The following KLHL22 variants were observed in gnomAD, a reference collection of about 807,000 sequenced individuals.
The protein encoded by KLHL22 is kelch like family member 22, also known as kelch-like protein 22.
A neutral mutation model predicts 60.7 loss-of-function variants in KLHL22; 18 were observed. That is an observed-to-expected ratio of 0.30 (90% CI 0.20 to 0.44). KLHL22 has a LOEUF of 0.44. Among genes scored for constraint, KLHL22 ranks in the 20% least tolerant of loss-of-function variants. The pLI, the probability that KLHL22 is intolerant of heterozygous loss-of-function variation, is 1.00. For synonymous variants in KLHL22, 355 were observed against 354.5 expected (o/e 1.00, Z -0.01); for missense variants, 596 against 852.3 (o/e 0.70, Z 3.74).
chr22:20,488,128 A>T (rs1013051690), intron 2 of KLHL22, among the ~76,000 whole-genome samples: 1 of 152,148 alleles, frequency 6.6e-6, no homozygotes, highest in Admixed American at 6.6e-5. Context: ...GTTCCTAATT[A>T]AAAAAATAGA....
chr22:20,471,832 G>C (rs189932222), intron 2 of KLHL22, among the ~76,000 whole-genome samples: 1 of 152,180 alleles, frequency 6.6e-6, no homozygotes, highest in Non-Finnish European at 1.5e-5. Context: ...TTCCTGGATC[G>C]GAGCAGTAGC....
rs1261815323 is a variant in KLHL22 at position 20,485,399 on chromosome 22, G to C, written c.227+3586C>G. Among the ~76,000 whole-genome samples the C allele has an allele frequency of 6.6e-5, 10 of 152,254 alleles. No individual in the cohort carries two copies. The South Asian group carries it at 8.3e-4, about 13-fold the overall frequency. ...CCATCCAATTCCTAAACCATGTACA[G>C]AGTACACAGAAAGAGCACAGGAGGC... On this transcript the variant is annotated intron_variant, in intron 2 of 6. Transcript: ENST00000328879.
intron 2 of KLHL22, among the ~76,000 whole-genome samples, chr22:20,472,734 T>C (rs2053348194): frequency 6.6e-6 from 1 of 151,856 alleles, no homozygotes; most frequent in East Asian, 1.9e-4. Context: ...TCAAAAAACA[T>C]ATATACATAT....
intron 5 of KLHL22, among the ~76,000 whole-genome samples, chr22:20,446,894 T>C (rs1282362334): frequency 6.6e-6 from 1 of 152,234 alleles, no homozygotes; most frequent in Non-Finnish European, 1.5e-5. Flanking sequence ...GATACATCTA[T>C]AGACTCAGAA....
intron 4 of KLHL22, among the ~76,000 whole-genome samples, chr22:20,462,794 A>G (rs747821437): frequency 1.3e-5 from 2 of 152,206 alleles, no homozygotes; most frequent in Non-Finnish European, 2.9e-5. Flanking sequence ...CAGATAATAT[A>G]GATGCAAAGA....
At chr22:20,483,457 T>C in intron 2 of KLHL22, 2 of 765,006 alleles carry the variant, frequency 2.6e-6, no homozygotes, top group Admixed American at 3.5e-5. Flanking sequence ...TTCCTCTTCA[T>C]GGTTCTTCTT....
At chr22:20,451,741 C>T (rs1268937895) in intron 5 of KLHL22, 3 of 1,566,454 alleles carry the variant, frequency 1.9e-6, no homozygotes, top group South Asian at 2.2e-5. Context: ...ATGTTACAAC[C>T]CTATCATCAA....
At position 20,495,503 on chromosome 22, in the gene KLHL22, C is replaced by A. The variant is rs1164776585; in HGVS notation, c.-34+257G>T. On this transcript the variant is annotated intron_variant, in intron 1 of 6. Transcript: ENST00000328879. This position sits in a 1 kb window ranked among gnomAD's most constrained non-coding sequence, Gnocchi z 4.6. ...GCCAGCAGCCGCGCTGAGGAGGCCT[C>A]GCACCCTGGCCCCTGGCCGAGCGCC... Among the ~76,000 whole-genome samples the A allele has an allele frequency of 3.3e-5, 5 of 151,886 alleles. No individual in the cohort carries two copies. Among genetic ancestry groups the A allele is most frequent in the African/African-American group, 9.6e-5 (4 of 41,512 alleles).
At chr22:20,474,425 CTT>C (rs1479553443) in intron 2 of KLHL22, among the ~76,000 whole-genome samples, 7 of 151,358 alleles carry the variant, frequency 4.6e-5, no homozygotes, top group African/African-American at 7.3e-5. Context: ...GAGTTTCGCT[CTT>C]GTCGCCCAGG....
intron 2 of KLHL22, chr22:20,475,090 CTT>C (rs2053388418): frequency 1.3e-5 from 2 of 151,848 alleles, no homozygotes; most frequent in African/African-American, 4.8e-5. Context: ...GTTAGACTGT[CTT>C]ATCAATTTGA....
At chr22:20,467,241 G>C (rs1198126627) in intron 3 of KLHL22, among the ~76,000 whole-genome samples, 1 of 152,152 alleles carries the variant, frequency 6.6e-6, no homozygotes. Flanking sequence ...ACTGATAAAG[G>C]CATCAAGGTT....
Position 20,456,836 on chromosome 22 carries a change from G to A in KLHL22, c.1305+972C>T, listed in dbSNP as rs181314342. Among the ~76,000 whole-genome samples the A allele has an allele frequency of 1.9e-3, 259 of 134,176 alleles. 2 individuals are homozygous for A. Among genetic ancestry groups the A allele is most frequent in the African/African-American group, 6.0e-3 (242 of 40,464 alleles). 88.0% of individuals were successfully genotyped at this position (134,176 alleles called of 152,430 possible). A position where few individuals can be genotyped will look rare whatever the true frequency, so the allele number is the denominator to read the frequency against. ...CAAAGTCTAAGTCCCTGGGGGAATTGGGGGTCATGAGAGATACTGGAAAGA... is the reference window on the plus strand; with the variant it reads ...CAAAGTCTAAGTCCCTGGGGGAATTAGGGGTCATGAGAGATACTGGAAAGA... On this transcript the variant is annotated intron_variant, in intron 5 of 6. Transcript: ENST00000328879.
chr22:20,449,545 C>T (rs1387501670), intron 5 of KLHL22, among the ~76,000 whole-genome samples: 2 of 151,852 alleles, frequency 1.3e-5, no homozygotes, highest in African/African-American at 4.8e-5. Context: ...GGATTACAGG[C>T]GTGTGCCACC....
chr22:20,489,370 A>G lies in KLHL22; in HGVS notation c.-33-126T>C, dbSNP rs1025066395. 2.3e-5 allele frequency: 16 copies of G among 696,352 alleles called. No individual in the cohort carries two copies. In the East Asian group the frequency reaches 2.4e-4, roughly 11 times the overall value. The allele number at this position is 696,352 out of a possible 1,614,324, so 43.1% of individuals were successfully genotyped here. A position where few individuals can be genotyped will look rare whatever the true frequency, so the allele number is the denominator to read the frequency against. On this transcript the variant is annotated intron_variant, in intron 1 of 6. Coordinates refer to ENST00000328879, the MANE Select transcript of KLHL22 (RefSeq NM_032775.4). Reference sequence around the variant, plus strand: ...CCTCAGGCTCACCTGTTTTCCCTCTATTTCCAAATCCCCTAATTCCTTCTC... The same window carrying G: ...CCTCAGGCTCACCTGTTTTCCCTCTGTTTCCAAATCCCCTAATTCCTTCTC...
chr22:20,466,290 C>A (rs1341687218), intron 3 of KLHL22, among the ~76,000 whole-genome samples: 1 of 149,234 alleles, frequency 6.7e-6, no homozygotes, highest in East Asian at 2.0e-4. Context: ...AGGAGAATCG[C>A]TGGAACCCAG....
intron 2 of KLHL22, among the ~76,000 whole-genome samples, chr22:20,485,736 C>T (rs2053574083): frequency 1.3e-5 from 2 of 151,990 alleles, no homozygotes; most frequent in Non-Finnish European, 2.9e-5. Context: ...GGTTTGGTGG[C>T]ACACGTCTGT....
intron 5 of KLHL22, among the ~76,000 whole-genome samples, chr22:20,455,960 C>T (rs185772693): frequency 2.0e-5 from 3 of 152,356 alleles, no homozygotes; most frequent in Admixed American, 6.5e-5. Flanking sequence ...TGCTCTGACT[C>T]GGCCTTCAGA....
In KLHL22 at chr22:20,465,768, T is replaced by G; in HGVS notation, c.394-192A>C. 1.7e-6 allele frequency: 1 copy of G among 602,548 alleles called. No homozygotes were observed. Among genetic ancestry groups the G allele is most frequent in the Non-Finnish European group, 3.0e-6 (1 of 337,562 alleles). 37.3% of individuals were successfully genotyped at this position (602,548 alleles called of 1,614,324 possible). A position where few individuals can be genotyped will look rare whatever the true frequency, so the allele number is the denominator to read the frequency against. Reference sequence around the variant, plus strand: ...CTGCAGACTAGGTTTAAGTCCTGGTTTGGAAACATACTGGGTGACAGGATA... The same window carrying G: ...CTGCAGACTAGGTTTAAGTCCTGGTGTGGAAACATACTGGGTGACAGGATA... On this transcript the variant is annotated intron_variant, in intron 3 of 6. Transcript: ENST00000328879. The surrounding 1 kb of genome is among the most constrained non-coding windows in gnomAD (Gnocchi z 4.9).
intron 2 of KLHL22, among the ~76,000 whole-genome samples, chr22:20,474,682 G>A (rs565148882): frequency 1.2e-3 from 183 of 152,268 alleles, no homozygotes; most frequent in Middle Eastern, 3.4e-3. Context: ...ATGAGCCACC[G>A]CGCCCAGCCA....
Sources: gnomAD v4.1 joint callset for allele counts (sites outside exome capture counted in the v4.1 genomes callset) on GRCh38, gnomAD v4.1.1 for gene constraint, Gnocchi (gnomAD v3.1) non-coding constraint, MANE v1.5 for transcripts, NCBI Gene and HGNC (gene_info 2026-07-23, HGNC 2026-07-21) for gene names.